Variants in FAM13A observed in about 807,000 individuals in gnomAD.
FAM13A encodes the protein family with sequence similarity 13 member A.
In FAM13A, 76 loss-of-function variants were observed where a neutral mutation model predicts 129.6. The ratio of observed to expected loss-of-function variants is 0.59; its 90% CI spans 0.49 to 0.71. The LOEUF is 0.71. FAM13A is among the 30% of genes least tolerant of loss of function. The probability of loss-of-function intolerance (pLI) is 0.00; values close to 1 mark genes in which losing one functional copy is unlikely to be tolerated. For missense variants in FAM13A, 1,108 were observed against 1,249.3 expected, an observed-to-expected ratio of 0.89 and a Z score of 1.70; for synonymous variants, 443 against 449.9, an observed-to-expected ratio of 0.98 and a Z score of 0.20.
intron 2 of FAM13A, 32 bp downstream of exon 2, chr4:89,029,426 GAA>G (rs1319700895): frequency 6.5e-7 from 1 of 1,538,786 alleles, no homozygotes; most frequent in Non-Finnish European, 8.9e-7. Flanking sequence ...AAGGGACTGT[GAA>G]AATGAACAGA....
chr4:88,777,017 G>C (rs1721865574), intron 11 of FAM13A, among the ~76,000 whole-genome samples: 1 of 152,070 alleles, frequency 6.6e-6, no homozygotes, highest in Admixed American at 6.6e-5. Flanking sequence ...TATGCACCTA[G>C]AACAGAGTAA....
At chr4:89,039,172 AG>A in intron 1 of FAM13A, among the ~76,000 whole-genome samples, 1 of 152,322 alleles carries the variant, frequency 6.6e-6, no homozygotes, top group Admixed American at 6.5e-5. Context: ...TGTGAAAAAA[AG>A]AAACAAATCC....
intron 15 of FAM13A, 46 bp downstream of exon 15, chr4:88,750,375 ATGT>A (rs757518490): frequency 1.4e-6 from 2 of 1,437,526 alleles, no homozygotes; most frequent in Non-Finnish European, 2.0e-6. Flanking sequence ...CTCTTTTCTG[ATGT>A]TGTGGGGATG....
At chr4:88,961,052 G>A (rs867638154) in intron 4 of FAM13A, among the ~76,000 whole-genome samples, 1 of 152,072 alleles carries the variant, frequency 6.6e-6, no homozygotes, top group African/African-American at 2.4e-5. Context: ...TTTAAGCCAC[G>A]ATTTAGAATT....
At chr4:88,761,742 T>C (rs1251878474) in intron 13 of FAM13A, among the ~76,000 whole-genome samples, 2 of 149,992 alleles carry the variant, frequency 1.3e-5, no homozygotes, top group Non-Finnish European at 3.0e-5. Flanking sequence ...ATTATATACT[T>C]ATATATTCAA....
At chr4:88,791,518 T>A (rs1480237496) in intron 8 of FAM13A, among the ~76,000 whole-genome samples, 1 of 152,098 alleles carries the variant, frequency 6.6e-6, no homozygotes, top group African/African-American at 2.4e-5. Context: ...GGCTTGTGAA[T>A]CAAGATTTAA....
intron 23 of FAM13A, among the ~76,000 whole-genome samples, chr4:88,730,800 T>A (rs1451690832): frequency 1.3e-5 from 2 of 152,202 alleles, no homozygotes. Flanking sequence ...TTCCCTTGTT[T>A]CTCTAGCTCC....
intron 7 of FAM13A, among the ~76,000 whole-genome samples, chr4:88,821,316 C>T (rs534716358): frequency 3.9e-5 from 6 of 152,216 alleles, no homozygotes; most frequent in African/African-American, 1.4e-4. Context: ...AGTGAATGCA[C>T]GTAACAGCGC....
chr4:89,048,191 T>C (rs1771105567), intron 1 of FAM13A, among the ~76,000 whole-genome samples: 3 of 152,352 alleles, frequency 2.0e-5, no homozygotes, highest in African/African-American at 7.2e-5. Flanking sequence ...TGTATATTAA[T>C]GTTCCTAGCA....
At chr4:88,786,010 A>G (rs1034874396) in intron 10 of FAM13A, among the ~76,000 whole-genome samples, 3 of 152,176 alleles carry the variant, frequency 2.0e-5, no homozygotes, top group Admixed American at 2.0e-4. Context: ...ACCATTCCCC[A>G]TCTCCTTTGG....
At chr4:88,914,504 C>A (rs185883036) in intron 5 of FAM13A, among the ~76,000 whole-genome samples, 205 of 152,286 alleles carry the variant, frequency 1.3e-3, no homozygotes, top group African/African-American at 4.6e-3. Flanking sequence ...CCAGCATTTG[C>A]CCTTCTTATT....
Position 88,938,208 on chromosome 4 carries a change from C to A in FAM13A, c.639G>T (p.Gln213His). 6.2e-7 allele frequency: 1 copy of A among 1,612,006 alleles called. No individual in the cohort carries two copies. The highest frequency in any genetic ancestry group is 1.1e-5 in the South Asian group (1 of 90,398). Reference protein sequence around the residue: ...VPPGLEGMKEQDLCNKIMAKI... With the variant: ...VPPGLEGMKEHDLCNKIMAKI... ...TAGCCATTATCTTGTTGCACAGGTCCTGTTCCTTCATGCCTTCAAGCCCAG... is the reference window on the plus strand; with the variant it reads ...TAGCCATTATCTTGTTGCACAGGTCATGTTCCTTCATGCCTTCAAGCCCAG... The change falls in exon 5 of 24, where the codon CAG becomes CAT. Residue 213 changes from glutamine to histidine, a missense_variant. By Grantham distance (24) the Gln-to-His change is conservative. This residue lies in a region of FAM13A where 566 missense variants were observed against 595.7 expected (regional missense o/e 0.95). Transcript: ENST00000264344.
intron 3 of FAM13A, among the ~76,000 whole-genome samples, chr4:89,003,652 C>A (rs979575636): frequency 2.0e-5 from 3 of 151,394 alleles, no homozygotes; most frequent in Non-Finnish European, 4.4e-5. Context: ...AATATATATA[C>A]ATGTATGTAA....
At chr4:88,830,165 G>T (rs1391915007) in intron 7 of FAM13A, among the ~76,000 whole-genome samples, 1 of 152,096 alleles carries the variant, frequency 6.6e-6, no homozygotes, top group Non-Finnish European at 1.5e-5. Flanking sequence ...GGTGCAGGTG[G>T]GGTGTTAGAG....
intron 18 of FAM13A, 111 bp from the exon 19 acceptor site, chr4:88,747,126 CT>C: frequency 1.5e-6 from 1 of 687,618 alleles, no homozygotes; most frequent in Non-Finnish European, 2.5e-6. Flanking sequence ...CATATAACAG[CT>C]CTCCCTAGCT....
chr4:88,741,041 G>A (rs1185092299), intron 19 of FAM13A, among the ~76,000 whole-genome samples: 3 of 152,312 alleles, frequency 2.0e-5, no homozygotes, highest in South Asian at 2.1e-4. Context: ...TGGCAAGGAT[G>A]TTGAACATCT....
In FAM13A at chr4:88,875,961, AC is replaced by A. The variant is rs1742359279; in HGVS notation, c.844-24779del. 3.9e-5 allele frequency among the ~76,000 whole-genome samples: 6 copies of A among 152,192 alleles called. No individual in the cohort carries two copies. In the South Asian group the frequency reaches 8.3e-4, roughly 21 times the overall value. On this transcript the variant is annotated intron_variant, in intron 6 of 23. Transcript: ENST00000264344. ...ATACACCATGGAATACTATGCAGCCACAAAAAAGGATGAATTCATGTCCTTT... is the reference window on the plus strand; with the variant it reads ...ATACACCATGGAATACTATGCAGCCAAAAAAAGGATGAATTCATGTCCTTT...
chr4:88,973,320 T>C (rs1369677025), intron 4 of FAM13A, among the ~76,000 whole-genome samples: 1 of 152,144 alleles, frequency 6.6e-6, no homozygotes, highest in African/African-American at 2.4e-5. Context: ...CCACAGTAAT[T>C]GGATATTCTA....
intron 3 of FAM13A, among the ~76,000 whole-genome samples, chr4:89,013,331 TATAC>T (rs1180842274): frequency 2.0e-5 from 3 of 149,972 alleles, no homozygotes; most frequent in Non-Finnish European, 4.4e-5. Flanking sequence ...ACACAGTATA[TATAC>T]ATATATATAA....
Sources: allele counts gnomAD v4.1 joint callset (sites outside exome capture counted in the v4.1 genomes callset), GRCh38; gene constraint gnomAD v4.1.1; regional missense constraint gnomAD v4.1.1; transcripts MANE v1.5; gene names NCBI Gene and HGNC (gene_info 2026-07-23, HGNC 2026-07-21).